DYM: variants seen among roughly 807,000 people sequenced by gnomAD.
The protein encoded by DYM is dymeclin.
DYM carries 78 observed loss-of-function variants against 93.1 expected under a neutral mutation model. That is an observed-to-expected ratio of 0.84 (90% CI 0.70 to 1.01). The LOEUF (loss-of-function observed/expected upper bound fraction) is 1.01, where lower values mean the gene tolerates loss of function less well. DYM is among the 50% of genes least tolerant of loss of function. DYM has a pLI of 0.00. For missense variants in DYM, 789 were observed against 845.0 expected (o/e 0.93, Z 0.82); for synonymous variants, 321 against 319.7 (o/e 1.00, Z -0.04).
At chr18:49,216,274 A>T (rs189110438) in intron 13 of DYM, among the ~76,000 whole-genome samples, 1 of 152,348 alleles carries the variant, frequency 6.6e-6, no homozygotes, top group African/African-American at 2.4e-5. Flanking sequence ...AGAGCCCACC[A>T]CAACTCAAGG....
chr18:49,307,389 C>CA (rs1287924059), intron 8 of DYM, among the ~76,000 whole-genome samples: 2 of 152,074 alleles, frequency 1.3e-5, no homozygotes, highest in Non-Finnish European at 2.9e-5. Context: ...CATCTTCATT[C>CA]AAGTCAGCAG....
Position 49,258,491 on chromosome 18 carries a change from T to A in DYM, c.1254A>T (p.Ile418=). 1.9e-6 allele frequency: 3 copies of A among 1,565,286 alleles called. No homozygotes were observed. Among genetic ancestry groups the A allele is most frequent in the South Asian group, 1.1e-5 (1 of 90,114 alleles). Residue 418 remains isoleucine, a splice_region_variant and synonymous_variant, in exon 12 of 18, where the codon ATA becomes ATT. Coordinates refer to ENST00000675505, the MANE Select transcript of DYM (RefSeq NM_001353214.3). ...CTGAATACCAAGTAATATTTTTTAG[T>A]ATCTGTAATGGGGAAGAAAAGTTTA... ...DGFNRSIHEV[I]LKNITWYSER... is the part of the protein sequence containing the mutation.
intron 3 of DYM, among the ~76,000 whole-genome samples, chr18:49,385,126 G>C (rs995277074): frequency 6.6e-6 from 1 of 151,930 alleles, no homozygotes; most frequent in Non-Finnish European, 1.5e-5. Flanking sequence ...GATATCCATA[G>C]GTTAAAATGC....
At chr18:49,195,002 A>G (rs959636362) in intron 14 of DYM, among the ~76,000 whole-genome samples, 3 of 152,058 alleles carry the variant, frequency 2.0e-5, no homozygotes, top group Admixed American at 6.5e-5. Context: ...TCTATTTTCA[A>G]ATTTTTCCAA....
chr18:49,417,509 A>G (rs1353645369), intron 2 of DYM, among the ~76,000 whole-genome samples: 1 of 152,110 alleles, frequency 6.6e-6, no homozygotes, highest in Non-Finnish European at 1.5e-5. Flanking sequence ...AGCAATCCAA[A>G]TGGTAAAACC....
intron 17 of DYM, among the ~76,000 whole-genome samples, chr18:49,092,560 C>T (rs2079143264): frequency 6.6e-6 from 1 of 152,220 alleles, no homozygotes; most frequent in South Asian, 2.1e-4. Flanking sequence ...GAGGTGGTGT[C>T]TTACACACTT....
intron 13 of DYM, among the ~76,000 whole-genome samples, chr18:49,226,691 G>C (rs1269163891): frequency 2.0e-5 from 3 of 152,106 alleles, no homozygotes; most frequent in African/African-American, 7.2e-5. Context: ...TTATTGATTA[G>C]ATTTGTTTAC....
At chr18:49,288,506 T>C (rs1022550095) in intron 8 of DYM, among the ~76,000 whole-genome samples, 6 of 152,062 alleles carry the variant, frequency 3.9e-5, no homozygotes, top group South Asian at 2.1e-4. Context: ...AGGCTGGGTA[T>C]AGGGGCTCAT....
chr18:49,351,899 G>T (rs770579155), intron 6 of DYM, among the ~76,000 whole-genome samples: 13 of 152,166 alleles, frequency 8.5e-5, no homozygotes, highest in Non-Finnish European at 1.5e-4. Flanking sequence ...CAAGAAAATA[G>T]TGAAGAGGAA....
chr18:49,390,546 C>T (rs891970074), intron 3 of DYM, among the ~76,000 whole-genome samples: 3 of 151,710 alleles, frequency 2.0e-5, no homozygotes, highest in Non-Finnish European at 2.9e-5. Context: ...CTCGCTCTGT[C>T]GCCCAGGCTG....
At chr18:49,289,163 T>C (rs2059857406) in intron 8 of DYM, among the ~76,000 whole-genome samples, 1 of 152,082 alleles carries the variant, frequency 6.6e-6, no homozygotes, top group African/African-American at 2.4e-5. Flanking sequence ...TTAAGTGTTC[T>C]TGGGACAGTG....
intron 10 of DYM, among the ~76,000 whole-genome samples, chr18:49,281,746 T>C (rs182468243): frequency 1.8e-4 from 27 of 152,230 alleles, no homozygotes; most frequent in African/African-American, 6.0e-4. Flanking sequence ...AGGTGGGAAC[T>C]GAACAATGAG....
At chr18:49,195,806 G>T (rs1426281279) in intron 14 of DYM, among the ~76,000 whole-genome samples, 3 of 152,006 alleles carry the variant, frequency 2.0e-5, no homozygotes, top group Admixed American at 6.6e-5. Context: ...AGAAGACTTA[G>T]GGAGCCTTCG....
At chr18:49,140,596 G>A (rs1290953802) in intron 15 of DYM, among the ~76,000 whole-genome samples, 2 of 152,050 alleles carry the variant, frequency 1.3e-5, no homozygotes, top group Non-Finnish European at 2.9e-5. Context: ...CAACTATAAG[G>A]TTTATTATGA....
At chr18:49,437,586 G>C (rs2080970931) in intron 1 of DYM, among the ~76,000 whole-genome samples, 1 of 152,100 alleles carries the variant, frequency 6.6e-6, no homozygotes, top group Non-Finnish European at 1.5e-5. Context: ...GATAAATCCA[G>C]AGAAATAGAA....
intron 11 of DYM, among the ~76,000 whole-genome samples, chr18:49,271,428 T>C (rs1299692940): frequency 6.6e-6 from 1 of 152,072 alleles, no homozygotes. Flanking sequence ...GAGGGAACAC[T>C]TGTGGAATGC....
intron 6 of DYM, among the ~76,000 whole-genome samples, chr18:49,347,560 C>T (rs1275110507): frequency 3.9e-5 from 6 of 152,134 alleles, no homozygotes; most frequent in Admixed American, 3.9e-4. Flanking sequence ...GCTCTGTTAA[C>T]CTCAACAAAT....
chr18:49,353,171 T>A (rs924515691), intron 6 of DYM, among the ~76,000 whole-genome samples: 1 of 152,142 alleles, frequency 6.6e-6, no homozygotes. Context: ...TTAGATTATC[T>A]ATCCCCTAAC....
At chr18:49,256,293 A>G (rs972804703) in intron 13 of DYM, among the ~76,000 whole-genome samples, 6 of 152,180 alleles carry the variant, frequency 3.9e-5, no homozygotes, top group Non-Finnish European at 7.3e-5. Context: ...GGGTCCAGGA[A>G]ATCACAAGAG....
Sources: gnomAD v4.1 joint callset for allele counts (sites outside exome capture counted in the v4.1 genomes callset) on GRCh38, gnomAD v4.1.1 for gene constraint, MANE v1.5 for transcripts, NCBI Gene and HGNC (gene_info 2026-07-23, HGNC 2026-07-21) for gene names.